The following C6 variants were observed in gnomAD, a reference collection of about 807,000 sequenced individuals.
C6 encodes the protein complement component C6.
A neutral mutation model predicts 112.9 loss-of-function variants in C6; 101 were observed. The ratio of observed to expected loss-of-function variants is 0.89; its 90% CI spans 0.76 to 1.06. The LOEUF is 1.06. C6 is among the 50% of genes least tolerant of loss of function. C6 has a pLI of 0.00. For synonymous variants in C6, 431 were observed against 384.1 expected, an observed-to-expected ratio of 1.12 and a Z score of -1.43; for missense variants, 1,202 against 1,104.6, an observed-to-expected ratio of 1.09 and a Z score of -1.25.
At chr5:41,150,924 G>A (rs973732629) in intron 15 of C6, among the ~76,000 whole-genome samples, 25 of 151,806 alleles carry the variant, frequency 1.6e-4, no homozygotes, top group African/African-American at 5.6e-4. Flanking sequence ...TGAGTTTCCT[G>A]GAACTGAAAG....
rs1455872146 is a variant in C6, at chr5:41,201,564, T to G, written c.294A>C (p.Glu98Asp). Reference protein sequence around the residue: ...GPWSDCDPCIEKQSKVRSVLR... With the variant: ...GPWSDCDPCIDKQSKVRSVLR... ...AATGCCCATGGTTGCCTACCTGTTT[T>G]TCAATACAAGGGTCACAGTCTGACC... is the stretch of plus-strand genomic sequence containing the variant. The change falls in exon 3 of 18, where the codon GAA becomes GAC. Residue 98 changes from glutamate (E) to aspartate (D), a missense_variant. By Grantham distance (45) the Glu-to-Asp change is conservative. Coordinates refer to ENST00000337836, the MANE Select transcript of C6 (RefSeq NM_000065.5). The G allele has an allele frequency of 6.2e-7, 1 of 1,613,650 alleles. No individual in the cohort carries two copies. Among genetic ancestry groups the G allele is most frequent in the African/African-American group, 1.3e-5 (1 of 75,008 alleles).
chr5:41,144,916 C>T (rs1561084407), intron 17 of C6, among the ~76,000 whole-genome samples: 3 of 152,196 alleles, frequency 2.0e-5, no homozygotes, highest in Non-Finnish European at 4.4e-5. Context: ...GACATGATCT[C>T]ATTGTTTTTT....
At chr5:41,252,905 A>G (rs1741454640) in intron 1 of C6, among the ~76,000 whole-genome samples, 1 of 152,130 alleles carries the variant, frequency 6.6e-6, no homozygotes, top group Admixed American at 6.6e-5. Context: ...TTATTGATTT[A>G]TGTCTTTGCC....
At chr5:41,243,220 T>C (rs1417393220) in intron 1 of C6, among the ~76,000 whole-genome samples, 2 of 152,240 alleles carry the variant, frequency 1.3e-5, no homozygotes, top group South Asian at 4.1e-4. Context: ...ACTAGGTTGA[T>C]TTAATTATTC....
intron 9 of C6, 39 bp from the exon 10 acceptor site, chr5:41,161,898 G>C (rs774286225): frequency 6.3e-7 from 1 of 1,599,510 alleles, no homozygotes; most frequent in Non-Finnish European, 8.6e-7. Context: ...TTTAATTTTA[G>C]TGCAAATTCC....
intron 1 of C6, among the ~76,000 whole-genome samples, chr5:41,256,958 G>C (rs1170645900): frequency 6.6e-6 from 1 of 152,306 alleles, no homozygotes; most frequent in East Asian, 1.9e-4. Context: ...CAGTTTGGAT[G>C]AGGCTTTCAT....
In C6 at chr5:41,195,840, C is replaced by A; in HGVS notation, c.539G>T (p.Cys180Phe). The A allele has an allele frequency of 6.2e-7, 1 of 1,613,974 alleles. No homozygotes were observed. The highest frequency in any genetic ancestry group is 8.5e-7 in the Non-Finnish European group (1 of 1,179,886). The change falls in exon 5 of 18, where the codon TGC (cysteine) becomes TTC (phenylalanine). Residue 180 changes from cysteine (C) to phenylalanine (F), a missense_variant. Physicochemically the swap from Cys to Phe is radical, Grantham distance 205 (BLOSUM62 -2). Coordinates refer to ENST00000337836, the MANE Select transcript of C6 (RefSeq NM_000065.5). ...AGGGATGGGATTATACTTCCGTGTG[C>A]ATACTGCCTTTGTCCTCCCACAGTC... ...ERDCGRTKAV[C>F]TRKYNPIPSV... is the part of the protein sequence containing the mutation.
At chr5:41,221,090 C>T (rs1035063820) in intron 1 of C6, among the ~76,000 whole-genome samples, 2 of 151,658 alleles carry the variant, frequency 1.3e-5, no homozygotes, top group Non-Finnish European at 2.9e-5. Context: ...ACTACTCCAC[C>T]CTGTCCCAGC....
At chr5:41,232,534 T>C (rs780673531) in intron 1 of C6, among the ~76,000 whole-genome samples, 4 of 152,106 alleles carry the variant, frequency 2.6e-5, no homozygotes, top group Non-Finnish European at 5.9e-5. Context: ...TTAGTACTAA[T>C]AAGTATCCTG....
chr5:41,208,772 AG>A (rs1321285165), intron 1 of C6, among the ~76,000 whole-genome samples: 1 of 152,138 alleles, frequency 6.6e-6, no homozygotes, highest in Non-Finnish European at 1.5e-5. Flanking sequence ...ATGGATTCAC[AG>A]CCGAATTCTA....
chr5:41,184,435 A>C (rs550177456), intron 6 of C6, among the ~76,000 whole-genome samples: 59 of 152,142 alleles, frequency 3.9e-4, no homozygotes, highest in Non-Finnish European at 7.6e-4. Flanking sequence ...TAACTCTGAG[A>C]GAGTTGTTTA....
intron 8 of C6, among the ~76,000 whole-genome samples, chr5:41,175,047 G>T (rs1182137921): frequency 6.6e-6 from 1 of 152,194 alleles, no homozygotes; most frequent in Non-Finnish European, 1.5e-5. Context: ...CTGAGAGCTT[G>T]TTTGGAGGTT....
intron 1 of C6, among the ~76,000 whole-genome samples, chr5:41,250,976 T>C (rs1323804603): frequency 6.6e-6 from 1 of 152,228 alleles, no homozygotes; most frequent in East Asian, 1.9e-4. Context: ...TTACTTTTTT[T>C]GTCAATCGTT....
intron 1 of C6, among the ~76,000 whole-genome samples, chr5:41,218,940 C>A (rs1428074825): frequency 1.3e-5 from 2 of 152,144 alleles, no homozygotes; most frequent in Non-Finnish European, 2.9e-5. Context: ...CCCACCTTTT[C>A]CTTCTAGTAA....
intron 9 of C6, among the ~76,000 whole-genome samples, chr5:41,164,948 T>C (rs1421570215): frequency 6.6e-6 from 1 of 152,180 alleles, no homozygotes; most frequent in Non-Finnish European, 1.5e-5. Context: ...CGCCTGGAAA[T>C]AGAACTCTAG....
At chr5:41,241,894 G>A (rs2150426545) in intron 1 of C6, among the ~76,000 whole-genome samples, 1 of 152,228 alleles carries the variant, frequency 6.6e-6, no homozygotes, top group South Asian at 2.1e-4. Context: ...GTGGACCAGT[G>A]TCCCCATCAT....
chr5:41,226,754 A>G (rs1336901066), intron 1 of C6, among the ~76,000 whole-genome samples: 2 of 152,018 alleles, frequency 1.3e-5, no homozygotes, highest in Admixed American at 6.6e-5. Context: ...AGTGTCCTCC[A>G]GGTTCATCCA....
intron 8 of C6, among the ~76,000 whole-genome samples, chr5:41,174,406 A>G (rs752935331): frequency 6.6e-6 from 1 of 152,220 alleles, no homozygotes; most frequent in Non-Finnish European, 1.5e-5. Context: ...CAGGAGTGTT[A>G]GTTGAAAATT....
At chr5:41,217,091 C>T (rs982550550), upstream of C6, among the ~76,000 whole-genome samples, 1 of 152,046 alleles carries the variant, frequency 6.6e-6, no homozygotes, top group Non-Finnish European at 1.5e-5. Context: ...CTTTTTCTTC[C>T]CCAATCACAA....
Sources: allele counts gnomAD v4.1 joint callset (sites outside exome capture counted in the v4.1 genomes callset), GRCh38; gene constraint gnomAD v4.1.1; transcripts MANE v1.5; gene names NCBI Gene and HGNC (gene_info 2026-07-23, HGNC 2026-07-21).